Variants in STPG2 observed in about 807,000 individuals in gnomAD.
The protein encoded by STPG2 is sperm tail PG-rich repeat containing 2.
In STPG2, 56 loss-of-function variants were observed where a neutral mutation model predicts 54.2. That is an observed-to-expected ratio of 1.03 (90% CI 0.83 to 1.29). The LOEUF (loss-of-function observed/expected upper bound fraction) is 1.29. STPG2 is among the 50% of genes most tolerant of loss of function. STPG2 has a pLI of 0.00. For missense variants in STPG2, 596 were observed against 544.9 expected (o/e 1.09, Z -0.93); for synonymous variants, 200 against 181.8 (o/e 1.10, Z -0.81).
intron 9 of STPG2, among the ~76,000 whole-genome samples, chr4:97,811,688 T>A (rs181028473): frequency 6.6e-6 from 1 of 152,122 alleles, no homozygotes; most frequent in African/African-American, 2.4e-5. Context: ...ATAAAGTATA[T>A]CTGTTAAGTA....
At chr4:97,570,928 C>A (rs1024233363) in intron 10 of STPG2, among the ~76,000 whole-genome samples, 1 of 151,990 alleles carries the variant, frequency 6.6e-6, no homozygotes, top group Admixed American at 6.6e-5. Flanking sequence ...ATCAGTCTTT[C>A]GTTACAGGGG....
chr4:97,797,225 T>C (rs1336128659), intron 9 of STPG2, among the ~76,000 whole-genome samples: 6 of 152,208 alleles, frequency 3.9e-5, no homozygotes, highest in African/African-American at 7.2e-5. Context: ...CAACACTATG[T>C]TGAATAGGAG....
chr4:98,101,022 T>C (rs1239678902), intron 5 of STPG2, among the ~76,000 whole-genome samples: 1 of 151,224 alleles, frequency 6.6e-6, no homozygotes, highest in Non-Finnish European at 1.5e-5. Flanking sequence ...CAAAGTGTTA[T>C]TTTCCTTGGA....
intron 5 of STPG2, among the ~76,000 whole-genome samples, chr4:98,015,778 T>A (rs886677120): frequency 6.6e-6 from 1 of 152,128 alleles, no homozygotes; most frequent in African/African-American, 2.4e-5. Context: ...TGCGGCATTG[T>A]TCACAATAGC....
At chr4:97,779,018 A>C (rs1280480872) in intron 9 of STPG2, among the ~76,000 whole-genome samples, 1 of 152,246 alleles carries the variant, frequency 6.6e-6, no homozygotes, top group African/African-American at 2.4e-5. Context: ...TCTAAAAATC[A>C]GAGCACCTCC....
chr4:97,861,782 A>G (rs1273094123), intron 8 of STPG2, among the ~76,000 whole-genome samples: 3 of 152,172 alleles, frequency 2.0e-5, no homozygotes, highest in East Asian at 1.9e-4. Context: ...GTTCTTAAAG[A>G]GAAGAATTTT....
chr4:97,950,005 C>T (rs2149238785), intron 7 of STPG2, among the ~76,000 whole-genome samples: 1 of 152,060 alleles, frequency 6.6e-6, no homozygotes, highest in East Asian at 1.9e-4. Context: ...AATTATTCTA[C>T]TTATTTTAAT....
intron 5 of STPG2, among the ~76,000 whole-genome samples, chr4:98,054,886 T>C (rs1737433992): frequency 1.3e-5 from 2 of 152,186 alleles, no homozygotes. Context: ...CAAAAACCTC[T>C]GAAGTCTACA....
intron 10 of STPG2, among the ~76,000 whole-genome samples, chr4:97,638,110 T>TA (rs1165733719): frequency 6.6e-6 from 1 of 152,124 alleles, no homozygotes; most frequent in Non-Finnish European, 1.5e-5. Context: ...AAGGCTACAG[T>TA]AACCAAAACA....
chr4:97,736,897 G>A lies in STPG2; in HGVS notation c.1205-24083C>T, dbSNP rs577285624. 2.0e-5 allele frequency among the ~76,000 whole-genome samples: 3 copies of A among 152,328 alleles called. No individual in the cohort carries two copies. In the South Asian group the frequency reaches 6.2e-4, roughly 32 times the overall value. On this transcript the variant is annotated intron_variant, in intron 9 of 10. Coordinates refer to ENST00000295268, the MANE Select transcript of STPG2 (RefSeq NM_174952.3). ...GCAGATGGAGATCTGAGAATGGGCA[G>A]ACTGCCTTGTCAAGTGGGTCCCTGA...
chr4:97,445,181 T>G (rs1027188317), intron 4 of STPG2, among the ~76,000 whole-genome samples: 1 of 152,214 alleles, frequency 6.6e-6, no homozygotes, highest in Non-Finnish European at 1.5e-5. Flanking sequence ...TTGTAAAGAA[T>G]GTACTACATA....
chr4:98,089,741 T>A (rs922817533), intron 5 of STPG2, among the ~76,000 whole-genome samples: 3 of 151,782 alleles, frequency 2.0e-5, no homozygotes, highest in Non-Finnish European at 4.4e-5. Flanking sequence ...CTAATTATGG[T>A]CATTCTTGCT....
At position 97,616,073 on chromosome 4, in the gene STPG2, T is replaced by C. The variant is rs1343813595; in HGVS notation, c.1321-56956A>G. On this transcript the variant is annotated intron_variant, in intron 10 of 10. Coordinates refer to ENST00000295268, the MANE Select transcript of STPG2 (RefSeq NM_174952.3). ...ATACATATAAATATATATATATATA[T>C]ATATATATATATATATATATATGTA... 1.7e-3 allele frequency among the ~76,000 whole-genome samples: 130 copies of C among 77,790 alleles called. 4 individuals are homozygous for C. The highest frequency in any genetic ancestry group is 7.0e-3 in the Middle Eastern group (1 of 142). 51.0% of individuals were successfully genotyped at this position (77,790 alleles called of 152,430 possible). A position where few individuals can be genotyped will look rare whatever the true frequency, so the allele number is the denominator to read the frequency against.
chr4:97,919,674 C>A (rs1732023960), intron 8 of STPG2, among the ~76,000 whole-genome samples: 1 of 151,706 alleles, frequency 6.6e-6, no homozygotes, highest in Admixed American at 6.6e-5. Flanking sequence ...TTTCAAAAAC[C>A]TTCTCACGGA....
chr4:97,993,822 C>T (rs949184964), intron 5 of STPG2, among the ~76,000 whole-genome samples: 1 of 151,994 alleles, frequency 6.6e-6, no homozygotes, highest in Non-Finnish European at 1.5e-5. Flanking sequence ...AAAGGGTTGC[C>T]TATTTCCAGG....
At chr4:98,120,166 T>C (rs910580680) in intron 3 of STPG2, among the ~76,000 whole-genome samples, 16 of 152,064 alleles carry the variant, frequency 1.1e-4, no homozygotes, top group African/African-American at 3.4e-4. Flanking sequence ...CTGCAACCTC[T>C]ACCTCCCAGG....
intron 4 of STPG2, among the ~76,000 whole-genome samples, chr4:97,478,909 G>GTA (rs1730147409): frequency 1.3e-5 from 2 of 148,980 alleles, no homozygotes; most frequent in South Asian, 4.2e-4. Context: ...GTGTGTGTGT[G>GTA]TGTGTGTGTG....
chr4:98,004,409 T>C (rs1735510351), intron 5 of STPG2, among the ~76,000 whole-genome samples: 2 of 152,196 alleles, frequency 1.3e-5, no homozygotes, highest in African/African-American at 4.8e-5. Context: ...ATTAGGTTGA[T>C]TCCATATCTT....
At chr4:97,662,417 T>C (rs1722399573) in intron 10 of STPG2, among the ~76,000 whole-genome samples, 1 of 152,146 alleles carries the variant, frequency 6.6e-6, no homozygotes, top group Non-Finnish European at 1.5e-5. Context: ...GCTTATATAA[T>C]GTGGGTTATT....
Sources: gnomAD v4.1 joint callset for allele counts (sites outside exome capture counted in the v4.1 genomes callset) on GRCh38, gnomAD v4.1.1 for gene constraint, MANE v1.5 for transcripts, NCBI Gene and HGNC (gene_info 2026-07-23, HGNC 2026-07-21) for gene names.